LRRFIP1: variants seen among roughly 807,000 people sequenced by gnomAD.
LRRFIP1 encodes leucine-rich repeat flightless-interacting protein 1.
Under a neutral mutation model 104.4 loss-of-function variants are expected in LRRFIP1, and 62 were observed. That is an observed-to-expected ratio of 0.59 (90% CI 0.48 to 0.73). LRRFIP1 has a LOEUF of 0.73. Among genes scored for constraint, LRRFIP1 ranks in the 30% least tolerant of loss-of-function variants. LRRFIP1 has a pLI of 0.00. For synonymous variants in LRRFIP1, 300 were observed against 299.0 expected (o/e 1.00, Z -0.03); for missense variants, 796 against 824.5 (o/e 0.97, Z 0.42).
At chr2:237,634,434 T>G (rs527890918) in intron 1 of LRRFIP1, among the ~76,000 whole-genome samples, 57 of 152,170 alleles carry the variant, frequency 3.7e-4, no homozygotes, top group Non-Finnish European at 5.1e-4. Flanking sequence ...GGTGCTAGAA[T>G]CAGATTTCCT....
Position 237,681,091 on chromosome 2 carries a change from G to T in LRRFIP1, c.97-27453G>T, listed in dbSNP as rs1393045849. 1.3e-5 allele frequency among the ~76,000 whole-genome samples: 2 copies of T among 152,154 alleles called. 1 individual carries two copies. Among genetic ancestry groups the T allele is most frequent in the South Asian group, 4.2e-4 (2 of 4,818 alleles). ...GAAATTTTTGAAAAAACATAACAGG[G>T]GTAGTTTTCAACTTTTTTGTAGCCC... On this transcript the variant is annotated intron_variant, in intron 1 of 23. Coordinates refer to ENST00000308482, the MANE Select transcript of LRRFIP1 (RefSeq NM_001137550.2).
chr2:237,687,918 A>G (rs923641235), intron 1 of LRRFIP1, among the ~76,000 whole-genome samples: 1 of 152,324 alleles, frequency 6.6e-6, no homozygotes, highest in Middle Eastern at 3.4e-3. Flanking sequence ...CTTGCAACAG[A>G]CTAACACCAT....
intron 1 of LRRFIP1, among the ~76,000 whole-genome samples, chr2:237,662,700 C>T (rs1365004305): frequency 1.3e-5 from 2 of 151,770 alleles, no homozygotes; most frequent in Non-Finnish European, 2.9e-5. Flanking sequence ...CCTCACTTTC[C>T]CTGTGTTGGT....
At chr2:237,765,811 A>G (rs2060221112) in intron 19 of LRRFIP1, 1 of 965,666 alleles carries the variant, frequency 1.0e-6, no homozygotes, top group Non-Finnish European at 1.2e-6. Context: ...GATTCATATT[A>G]CTGTTACAAG....
chr2:237,632,701 CA>C (rs2082554646), intron 1 of LRRFIP1, among the ~76,000 whole-genome samples: 1 of 152,138 alleles, frequency 6.6e-6, no homozygotes, highest in Non-Finnish European at 1.5e-5. Flanking sequence ...TTTTCCAGAA[CA>C]GCCCAGAAGT....
chr2:237,632,028 T>A (rs2082409458), intron 1 of LRRFIP1, among the ~76,000 whole-genome samples: 1 of 152,220 alleles, frequency 6.6e-6, no homozygotes, highest in Non-Finnish European at 1.5e-5. Flanking sequence ...GGCCCCAAGT[T>A]GACTCGTGGG....
intron 1 of LRRFIP1, among the ~76,000 whole-genome samples, chr2:237,686,177 G>A (rs1022068423): frequency 6.6e-6 from 1 of 152,122 alleles, no homozygotes; most frequent in African/African-American, 2.4e-5. Flanking sequence ...GTGTGCTGAG[G>A]TGCCTGTTAG....
intron 10 of LRRFIP1, among the ~76,000 whole-genome samples, chr2:237,736,555 A>G (rs2095253453): frequency 1.3e-5 from 2 of 152,184 alleles, no homozygotes; most frequent in African/African-American, 4.8e-5. Context: ...GGCAGGACGG[A>G]GGGCTCCTGA....
At chr2:237,653,913 A>C (rs2086359110) in intron 1 of LRRFIP1, among the ~76,000 whole-genome samples, 1 of 152,268 alleles carries the variant, frequency 6.6e-6, no homozygotes, top group Non-Finnish European at 1.5e-5. Context: ...AGGAGAAAAC[A>C]TAAGGCGAAA....
intron 1 of LRRFIP1, among the ~76,000 whole-genome samples, chr2:237,658,821 C>T (rs956829973): frequency 6.6e-6 from 1 of 152,116 alleles, no homozygotes; most frequent in Non-Finnish European, 1.5e-5. Context: ...CTTTGACATG[C>T]GGAGATTATG....
intron 1 of LRRFIP1, among the ~76,000 whole-genome samples, chr2:237,700,327 C>A (rs973143739): frequency 1.3e-5 from 2 of 152,294 alleles, no homozygotes; most frequent in African/African-American, 4.8e-5. Context: ...AGGACCGAGG[C>A]CCCTGCTTGT....
At chr2:237,707,718 G>T (rs1391210277) in intron 1 of LRRFIP1, among the ~76,000 whole-genome samples, 1 of 152,240 alleles carries the variant, frequency 6.6e-6, no homozygotes, top group Admixed American at 6.5e-5. Flanking sequence ...TGTAGAAACA[G>T]TTCAGATGCC....
intron 19 of LRRFIP1, among the ~76,000 whole-genome samples, chr2:237,767,364 G>C (rs989911918): frequency 6.6e-6 from 1 of 152,122 alleles, no homozygotes; most frequent in Non-Finnish European, 1.5e-5. Context: ...CTATCATACA[G>C]AATAGAGAAA....
intron 1 of LRRFIP1, among the ~76,000 whole-genome samples, chr2:237,673,493 C>T (rs1176604269): frequency 6.6e-6 from 1 of 152,194 alleles, no homozygotes; most frequent in Non-Finnish European, 1.5e-5. Flanking sequence ...CAGTGCCGCG[C>T]GTGGCGTGGG....
intron 20 of LRRFIP1, chr2:237,770,371 TG>T (rs556085748): frequency 6.8e-4 from 130 of 190,172 alleles, no homozygotes; most frequent in African/African-American, 2.9e-3. Context: ...CTTGTCCATA[TG>T]GGTTGTTTGT....
rs1296567546 is a variant in LRRFIP1, at chr2:237,735,006, C to T, written c.490-262C>T. Among the ~76,000 whole-genome samples the T allele has an allele frequency of 1.3e-5, 2 of 152,128 alleles. No homozygotes were observed. The highest frequency in any genetic ancestry group is 4.8e-5 in the African/African-American group (2 of 41,416). On this transcript the variant is annotated intron_variant, in intron 9 of 23. Coordinates refer to ENST00000308482, the MANE Select transcript of LRRFIP1 (RefSeq NM_001137550.2). The surrounding 1 kb of genome is among the most constrained non-coding windows in gnomAD (Gnocchi z 4.6). The stretch of plus-strand genomic sequence containing the variant: ...TTTTCACTTAGGCCTGGGATGTTTT[C>T]CAAAGTAATAGATTTAAATGGTCTG...
chr2:237,662,935 T>C (rs953227659), intron 1 of LRRFIP1, among the ~76,000 whole-genome samples: 2 of 152,204 alleles, frequency 1.3e-5, no homozygotes, highest in African/African-American at 2.4e-5. Flanking sequence ...TTACTACCTC[T>C]TCCTTGCATA....
At chr2:237,656,447 C>T (rs2086829895) in intron 1 of LRRFIP1, among the ~76,000 whole-genome samples, 1 of 152,150 alleles carries the variant, frequency 6.6e-6, no homozygotes, top group South Asian at 2.1e-4. Flanking sequence ...TATCTAAATA[C>T]TTGCTGAGGA....
chr2:237,683,038 G>T (rs953593853), intron 1 of LRRFIP1, among the ~76,000 whole-genome samples: 1 of 152,224 alleles, frequency 6.6e-6, no homozygotes, highest in Non-Finnish European at 1.5e-5. Context: ...CATCTGGTGG[G>T]TGGAGCCAGG....
Sources: gnomAD v4.1 joint callset for allele counts (sites outside exome capture counted in the v4.1 genomes callset) on GRCh38, gnomAD v4.1.1 for gene constraint, Gnocchi (gnomAD v3.1) non-coding constraint, MANE v1.5 for transcripts, NCBI Gene and HGNC (gene_info 2026-07-23, HGNC 2026-07-21) for gene names.